The following WWC1 variants were observed in gnomAD, a reference collection of about 807,000 sequenced individuals.
WWC1 encodes the protein WW and C2 domain containing 1.
Under a neutral mutation model 138.4 loss-of-function variants are expected in WWC1, and 55 were observed. That is an observed-to-expected ratio of 0.40 (90% CI 0.32 to 0.50). The LOEUF (loss-of-function observed/expected upper bound fraction) is 0.50. Ranked by LOEUF, WWC1 falls within the 20% of genes least tolerant of loss-of-function variation. The pLI is 0.72. For missense variants in WWC1, 1,226 were observed against 1,420.4 expected (o/e 0.86, Z 2.20); for synonymous variants, 524 against 564.9 (o/e 0.93, Z 1.03).
rs182044054 is a variant in WWC1, at chr5:168,311,681, G to A, written c.119+19410G>A. On this transcript the variant is annotated intron_variant, in intron 1 of 22. Transcript: ENST00000265293. ...AGGTCAGGAGTTCAAGACCAGCCTGGCCAACATGGCAAAACCCCATCTCTA... is the reference window on the plus strand; with the variant it reads ...AGGTCAGGAGTTCAAGACCAGCCTGACCAACATGGCAAAACCCCATCTCTA... Among the ~76,000 whole-genome samples the A allele has an allele frequency of 5.9e-5, 9 of 152,214 alleles. 1 individual carries two copies. The highest frequency in any genetic ancestry group is 2.2e-4 in the African/African-American group (9 of 41,532).
At chr5:168,400,694 A>G (rs964460869) in intron 5 of WWC1, among the ~76,000 whole-genome samples, 1 of 152,142 alleles carries the variant, frequency 6.6e-6, no homozygotes, top group Non-Finnish European at 1.5e-5. Context: ...CAGGCCTGTA[A>G]TCCCAGCACT....
chr5:168,428,907 A>T (rs1253559045), intron 13 of WWC1, 120 bp downstream of exon 13: 27 of 976,192 alleles, frequency 2.8e-5, no homozygotes, highest in Admixed American at 4.2e-5. Context: ...CACCAGCAGG[A>T]CCTGCTGGCC....
intron 1 of WWC1, 28 bp from the exon 2 acceptor site, chr5:168,371,396 G>A (rs1188170260): frequency 3.8e-6 from 6 of 1,565,370 alleles, no homozygotes; most frequent in African/African-American, 2.7e-5. Context: ...GTAGGCTGAT[G>A]GAGTCTGTTT....
chr5:168,340,054 TTTC>T lies in WWC1; in HGVS notation c.120-31367_120-31365del, dbSNP rs1204066577. Reference sequence around the variant, plus strand: ...TTCTTTCCTTTCTTTTCTTTCTTTCTTTCTTTTCTTTTCTTCTCTTTCTCTCTC... The same window carrying T: ...TTCTTTCCTTTCTTTTCTTTCTTTCTTTTTCTTTTCTTCTCTTTCTCTCTC... On this transcript the variant is annotated intron_variant, in intron 1 of 22. Transcript: ENST00000265293. 6.3e-5 allele frequency among the ~76,000 whole-genome samples: 7 copies of T among 111,752 alleles called. No individual in the cohort carries two copies. In the South Asian group the frequency reaches 1.5e-3, roughly 24 times the overall value. The allele number at this position is 111,752 out of a possible 152,430, so 73.3% of individuals were successfully genotyped here. A position where few individuals can be genotyped will look rare whatever the true frequency, so the allele number is the denominator to read the frequency against.
chr5:168,370,904 C>G (rs576499443), intron 1 of WWC1, among the ~76,000 whole-genome samples: 2 of 152,254 alleles, frequency 1.3e-5, no homozygotes, highest in African/African-American at 4.8e-5. Flanking sequence ...TGCTCATTGG[C>G]CAAACTCACA....
At chr5:168,322,721 T>G (rs925310098) in intron 1 of WWC1, among the ~76,000 whole-genome samples, 2 of 152,208 alleles carry the variant, frequency 1.3e-5, no homozygotes, top group South Asian at 4.1e-4. Context: ...AAGAGACAGG[T>G]CGGTCTGGAC....
At chr5:168,311,126 G>A (rs963775528) in intron 1 of WWC1, among the ~76,000 whole-genome samples, 12 of 152,108 alleles carry the variant, frequency 7.9e-5, no homozygotes, top group Non-Finnish European at 1.6e-4. Flanking sequence ...CATTCTTCCT[G>A]CTGGACTGCA....
chr5:168,351,466 C>T lies in WWC1; in HGVS notation c.120-19958C>T, dbSNP rs1033492053. Among the ~76,000 whole-genome samples the T allele has an allele frequency of 2.6e-5, 4 of 152,262 alleles. No individual in the cohort carries two copies. The East Asian group carries it at 5.8e-4, about 22-fold the overall frequency. On this transcript the variant is annotated intron_variant, in intron 1 of 22. Transcript: ENST00000265293. ...ATGGAATCCAGAAATGAATCCAACT[C>T]GGACCTTGTCTCGAAGCGACTTCCA... is the stretch of plus-strand genomic sequence containing the variant.
rs144379088 is a variant in WWC1 at position 168,369,839 on chromosome 5, A to G, written c.120-1585A>G. Among the ~76,000 whole-genome samples the G allele has an allele frequency of 8.6e-5, 13 of 151,014 alleles. 1 individual carries two copies. The highest frequency in any genetic ancestry group is 8.8e-5 in the Non-Finnish European group (6 of 67,900). ...TGAGTTTTAGAGGGCAGGAGAGTGT[A>G]AGCCTCTTTTTTTGGTTTTTCCTAT... On this transcript the variant is annotated intron_variant, in intron 1 of 22. Transcript: ENST00000265293.
At chr5:168,297,951 G>A (rs1016690697) in intron 1 of WWC1, among the ~76,000 whole-genome samples, 14 of 152,284 alleles carry the variant, frequency 9.2e-5, no homozygotes, top group Middle Eastern at 3.4e-3. Flanking sequence ...TCCAGTGATT[G>A]CAAGTGAATT....
chr5:168,361,084 G>A (rs755082163), intron 1 of WWC1, among the ~76,000 whole-genome samples: 20 of 152,290 alleles, frequency 1.3e-4, no homozygotes, highest in East Asian at 3.9e-4. Flanking sequence ...AGTCTTGTCC[G>A]TGCATGAATG....
chr5:168,337,669 T>C (rs2152773435), intron 1 of WWC1, among the ~76,000 whole-genome samples: 1 of 152,352 alleles, frequency 6.6e-6, no homozygotes, highest in Admixed American at 6.5e-5. Context: ...GTGTTTGTGC[T>C]ACAGACGGTA....
intron 19 of WWC1, among the ~76,000 whole-genome samples, chr5:168,460,230 AGAAGGTTAAGAGGGCAGTATACTCT>A (rs1756688251): frequency 6.6e-6 from 1 of 152,214 alleles, no homozygotes; most frequent in Non-Finnish European, 1.5e-5. Context: ...CCCTTTGTGT[AGAAGGTTAAGAGGGCAGTATACTCT>A]GAAGTCACGC....
intron 1 of WWC1, among the ~76,000 whole-genome samples, chr5:168,363,706 GA>G (rs1776068607): frequency 6.6e-6 from 1 of 152,036 alleles, no homozygotes; most frequent in Admixed American, 6.6e-5. Context: ...AATGTAGATT[GA>G]ACCCTGAATG....
At chr5:168,340,035 CCTTTCTTTT>C (rs1773912461) in intron 1 of WWC1, among the ~76,000 whole-genome samples, 2 of 138,320 alleles carry the variant, frequency 1.4e-5, no homozygotes, top group African/African-American at 5.5e-5. Flanking sequence ...TCCTTTCTTT[CCTTTCTTTT>C]CTTTCTTTCT....
chr5:168,339,469 G>A (rs1273687315), intron 1 of WWC1, among the ~76,000 whole-genome samples: 1 of 152,150 alleles, frequency 6.6e-6, no homozygotes, highest in East Asian at 1.9e-4. Context: ...AGGGATCTCT[G>A]GGTTTAGGGA....
chr5:168,460,228 G>A (rs577024344), intron 19 of WWC1, among the ~76,000 whole-genome samples: 77 of 152,324 alleles, frequency 5.1e-4, no homozygotes, highest in African/African-American at 1.8e-3. Flanking sequence ...GGCCCTTTGT[G>A]TAGAAGGTTA....
At position 168,318,214 on chromosome 5, in the gene WWC1, A is replaced by G. The variant is rs145781597; in HGVS notation, c.119+25943A>G. On this transcript the variant is annotated intron_variant, in intron 1 of 22. Transcript: ENST00000265293. ...AGTTCAGAAATGTTACCAGCTCCCA[A>G]TTTTTTATAAGATTGTATAATTTTT... is the stretch of plus-strand genomic sequence containing the variant. 1.3e-3 allele frequency among the ~76,000 whole-genome samples: 197 copies of G among 152,200 alleles called. 1 individual carries two copies. The highest frequency in any genetic ancestry group is 4.5e-3 in the African/African-American group (186 of 41,540).
intron 1 of WWC1, among the ~76,000 whole-genome samples, chr5:168,355,985 G>C (rs1462405643): frequency 6.6e-6 from 1 of 152,168 alleles, no homozygotes; most frequent in Non-Finnish European, 1.5e-5. Context: ...GGGGGGCTGT[G>C]ATGAGAACAA....
Sources: gnomAD v4.1 joint callset for allele counts (sites outside exome capture counted in the v4.1 genomes callset) on GRCh38, gnomAD v4.1.1 for gene constraint, MANE v1.5 for transcripts, NCBI Gene and HGNC (gene_info 2026-07-23, HGNC 2026-07-21) for gene names.